The following RCAN2 variants were observed in gnomAD, a reference collection of about 807,000 sequenced individuals.
RCAN2 encodes regulator of calcineurin 2, also known as calcipressin-2.
A neutral mutation model predicts 23.6 loss-of-function variants in RCAN2; 9 were observed. The ratio of observed to expected loss-of-function variants is 0.38; its 90% CI spans 0.23 to 0.67. The LOEUF (loss-of-function observed/expected upper bound fraction) is 0.67, where lower values mean the gene tolerates loss of function less well. Among genes scored for constraint, RCAN2 ranks in the 30% least tolerant of loss-of-function variants. The pLI, the probability that RCAN2 is intolerant of heterozygous loss-of-function variation, is 0.51. For synonymous variants in RCAN2, 109 were observed against 115.7 expected, an observed-to-expected ratio of 0.94 and a Z score of 0.37; for missense variants, 273 against 302.3, an observed-to-expected ratio of 0.90 and a Z score of 0.72.
At chr6:46,268,973 T>C (rs1225188805) in intron 2 of RCAN2, among the ~76,000 whole-genome samples, 1 of 152,234 alleles carries the variant, frequency 6.6e-6, no homozygotes, top group Non-Finnish European at 1.5e-5. Flanking sequence ...GCTTTTGTGC[T>C]GCAATACAGT....
At chr6:46,485,380 T>C (rs1372425059) in intron 1 of RCAN2, among the ~76,000 whole-genome samples, 1 of 152,204 alleles carries the variant, frequency 6.6e-6, no homozygotes, top group Admixed American at 6.5e-5. Flanking sequence ...AAAATATGCA[T>C]ATAAAAAGTG....
chr6:46,229,031 C>T (rs1045277889), intron 4 of RCAN2, among the ~76,000 whole-genome samples: 1 of 152,138 alleles, frequency 6.6e-6, no homozygotes, highest in African/African-American at 2.4e-5. Flanking sequence ...ACTTATGAAG[C>T]TTAGTTTGGC....
intron 1 of RCAN2, among the ~76,000 whole-genome samples, chr6:46,466,108 T>C (rs1252024562): frequency 6.6e-6 from 1 of 152,138 alleles, no homozygotes; most frequent in Non-Finnish European, 1.5e-5. Flanking sequence ...CATCCTCTCA[T>C]GATTGCTTAG....
chr6:46,340,983 C>G lies in RCAN2; in HGVS notation c.226-92087G>C, dbSNP rs540072170. On this transcript the variant is annotated intron_variant, in intron 2 of 4. Transcript: ENST00000371374. ...TGGATAGCATGTGTCAAGACAGAGA[C>G]CAAGGGAGAAAACTGAGCTTAAGAA... Among the ~76,000 whole-genome samples, 43 of 151,940 alleles carry G rather than the reference C, an allele frequency of 2.8e-4. 1 individual carries two copies. The highest frequency in any genetic ancestry group is 1.0e-3 in the African/African-American group (43 of 41,394).
At chr6:46,308,509 G>A (rs901177034) in intron 2 of RCAN2, among the ~76,000 whole-genome samples, 2 of 152,108 alleles carry the variant, frequency 1.3e-5, no homozygotes, top group Non-Finnish European at 2.9e-5. Context: ...AGGGTGGAAT[G>A]AGACCAAAAT....
At chr6:46,325,012 C>T (rs192041869) in intron 2 of RCAN2, among the ~76,000 whole-genome samples, 3 of 152,348 alleles carry the variant, frequency 2.0e-5, no homozygotes, top group Admixed American at 2.0e-4. Context: ...GGCCTGGATG[C>T]TGGGTTTATT....
chr6:46,389,545 T>C (rs1045128381), intron 2 of RCAN2, among the ~76,000 whole-genome samples: 1 of 152,212 alleles, frequency 6.6e-6, no homozygotes, highest in Non-Finnish European at 1.5e-5. Context: ...CCTCCAGGGC[T>C]AGATCATGTG....
intron 2 of RCAN2, among the ~76,000 whole-genome samples, chr6:46,322,608 C>T (rs1459429401): frequency 1.3e-5 from 2 of 152,232 alleles, no homozygotes; most frequent in Non-Finnish European, 2.9e-5. Context: ...CTGGTTGCAT[C>T]CCCCTAGTAT....
At chr6:46,414,496 T>C (rs573776447) in intron 2 of RCAN2, among the ~76,000 whole-genome samples, 4 of 152,228 alleles carry the variant, frequency 2.6e-5, no homozygotes, top group Non-Finnish European at 2.9e-5. Context: ...TGCTTAGATA[T>C]TTGGTCAAAC....
rs191167507 is a variant in RCAN2 at position 46,221,596 on chromosome 6, A to C, written c.*1545T>G. The C allele has an allele frequency of 2.2e-5, 5 of 231,028 alleles. No homozygotes were observed. Among genetic ancestry groups the C allele is most frequent in the African/African-American group, 9.0e-5 (4 of 44,578 alleles). 14.3% of individuals were successfully genotyped at this position (231,028 alleles called of 1,614,324 possible). Reference sequence around the variant, plus strand: ...TCCAGTACTATATTGCTATATTCACAGTAAAACGGACTTTAATTTCTGAGT... The same window carrying C: ...TCCAGTACTATATTGCTATATTCACCGTAAAACGGACTTTAATTTCTGAGT... On this transcript the variant is annotated 3_prime_UTR_variant, in exon 5 of 5. Transcript: ENST00000371374.
intron 1 of RCAN2, among the ~76,000 whole-genome samples, chr6:46,462,249 G>C (rs935679932): frequency 6.6e-6 from 1 of 152,094 alleles, no homozygotes; most frequent in Non-Finnish European, 1.5e-5. Flanking sequence ...TAAGGCAAAA[G>C]AAATTAATTA....
intron 2 of RCAN2, among the ~76,000 whole-genome samples, chr6:46,378,405 C>T (rs1352780798): frequency 2.0e-5 from 3 of 152,132 alleles, no homozygotes; most frequent in Non-Finnish European, 4.4e-5. Flanking sequence ...ATGGTAGGTG[C>T]TATTAGTCTC....
chr6:46,226,912 A>G (rs1459819733), intron 4 of RCAN2, among the ~76,000 whole-genome samples: 3 of 152,172 alleles, frequency 2.0e-5, no homozygotes, highest in East Asian at 3.8e-4. Context: ...GTATGATATT[A>G]GCTGTGGGTT....
intron 2 of RCAN2, among the ~76,000 whole-genome samples, chr6:46,411,434 C>T (rs1766547537): frequency 6.6e-6 from 1 of 152,110 alleles, no homozygotes; most frequent in African/African-American, 2.4e-5. Context: ...AACGTGAATG[C>T]AGTTAATGCC....
intron 2 of RCAN2, among the ~76,000 whole-genome samples, chr6:46,365,545 C>T (rs1048401874): frequency 2.6e-5 from 4 of 151,906 alleles, no homozygotes; most frequent in Non-Finnish European, 4.4e-5. Flanking sequence ...AAATTGTCTT[C>T]CACAAAACCA....
At chr6:46,458,497 T>C (rs563187149) in intron 1 of RCAN2, among the ~76,000 whole-genome samples, 1 of 152,220 alleles carries the variant, frequency 6.6e-6, no homozygotes, top group Non-Finnish European at 1.5e-5. Flanking sequence ...AAGTAAAAAT[T>C]TCTATATAAA....
intron 2 of RCAN2, among the ~76,000 whole-genome samples, chr6:46,404,492 A>G (rs1766342768): frequency 6.6e-6 from 1 of 152,238 alleles, no homozygotes; most frequent in South Asian, 2.1e-4. Flanking sequence ...TCAGGTCTAG[A>G]GTACCTTACT....
chr6:46,385,004 T>C (rs1460688019), intron 2 of RCAN2, among the ~76,000 whole-genome samples: 2 of 152,224 alleles, frequency 1.3e-5, no homozygotes, highest in Non-Finnish European at 2.9e-5. Flanking sequence ...TGGCAGAATG[T>C]TGATTAGTGC....
rs74619732 is a variant in RCAN2, at chr6:46,457,059, C to T, written c.-2-81G>A. On this transcript the variant is annotated intron_variant, in intron 1 of 4. Coordinates refer to ENST00000371374, the MANE Select transcript of RCAN2 (RefSeq NM_001251974.2). Reference sequence around the variant, plus strand: ...TTTTCGGGTCACAGTTTTGTATTGTCAGGGGCAGAACAGTGGAGTACGATT... The same window carrying T: ...TTTTCGGGTCACAGTTTTGTATTGTTAGGGGCAGAACAGTGGAGTACGATT... The T allele has an allele frequency of 6.6e-3, 6,113 of 929,434 alleles. 242 individuals carry two copies. In the African/African-American group the frequency reaches 0.09, roughly 14 times the overall value. The allele number at this position is 929,434 out of a possible 1,614,324, so 57.6% of individuals were successfully genotyped here. A position where few individuals can be genotyped will look rare whatever the true frequency, so the allele number is the denominator to read the frequency against.
Sources: gnomAD v4.1 joint callset for allele counts (sites outside exome capture counted in the v4.1 genomes callset) on GRCh38, gnomAD v4.1.1 for gene constraint, MANE v1.5 for transcripts, NCBI Gene and HGNC (gene_info 2026-07-23, HGNC 2026-07-21) for gene names.